JMJD1C: variants seen among roughly 807,000 people sequenced by gnomAD.
JMJD1C encodes jumonji domain-containing protein 1C.
JMJD1C carries 31 observed loss-of-function variants against 245.3 expected under a neutral mutation model. The ratio of observed to expected loss-of-function variants is 0.13; its 90% confidence interval spans 0.09 to 0.17. JMJD1C has a LOEUF of 0.17. Ranked by LOEUF, JMJD1C falls within the 10% of genes least tolerant of loss-of-function variation. The probability of loss-of-function intolerance (pLI) is 1.00; values close to 1 mark genes in which losing one functional copy is unlikely to be tolerated. For synonymous variants in JMJD1C, 1,057 were observed against 1,017.4 expected (o/e 1.04, Z -0.74); for missense variants, 2,691 against 3,000.2 (o/e 0.90, Z 2.41).
intron 2 of JMJD1C, 71 bp from the exon 3 acceptor site, chr10:63,264,835 CCAATACAAT>C: frequency 1.4e-6 from 1 of 711,424 alleles, no homozygotes; most frequent in African/African-American, 1.8e-5. Context: ...GGAACACACA[CCAATACAAT>C]GTATCAATGT....
At chr10:63,404,085 A>G (rs1268681145) in intron 1 of JMJD1C, among the ~76,000 whole-genome samples, 3 of 152,128 alleles carry the variant, frequency 2.0e-5, no homozygotes, top group Non-Finnish European at 4.4e-5. Context: ...ACTGCACTCC[A>G]GCCTGGGCAA....
At chr10:63,348,270 G>A (rs1944030595) in intron 2 of JMJD1C, among the ~76,000 whole-genome samples, 1 of 151,506 alleles carries the variant, frequency 6.6e-6, no homozygotes, top group Non-Finnish European at 1.5e-5. Context: ...CATTTGACCA[G>A]GGCAGATATC....
intron 3 of JMJD1C, among the ~76,000 whole-genome samples, chr10:63,225,629 T>C (rs1471285545): frequency 4.0e-5 from 6 of 151,888 alleles, no homozygotes; most frequent in African/African-American, 1.5e-4. Context: ...AATACAAAAA[T>C]TAGCCAGGTG....
chr10:63,442,253 A>G lies in JMJD1C; in HGVS notation c.168+23242T>C, dbSNP rs538966932. Among the ~76,000 whole-genome samples the G allele has an allele frequency of 5.9e-5, 9 of 152,324 alleles. No individual in the cohort carries two copies. In the South Asian group the frequency reaches 1.9e-3, roughly 32 times the overall value. On this transcript the variant is annotated intron_variant, in intron 1 of 25. Transcript: ENST00000399262. The stretch of plus-strand genomic sequence containing the variant: ...CTGCCAGGGAGAAAAAACGCCAACA[A>G]TTTTTAAACCTGGGTATATATCAAT...
intron 22 of JMJD1C, among the ~76,000 whole-genome samples, chr10:63,181,442 G>A (rs1564560394): frequency 6.6e-6 from 1 of 152,098 alleles, no homozygotes; most frequent in Non-Finnish European, 1.5e-5. Context: ...TTGAAAGAAT[G>A]AATACAGAAG....
intron 1 of JMJD1C, among the ~76,000 whole-genome samples, chr10:63,487,826 C>T (rs1031168618): frequency 6.6e-6 from 1 of 152,220 alleles, no homozygotes; most frequent in South Asian, 2.1e-4. Context: ...TTGCAGTTTT[C>T]AACTCTGAGT....
At chr10:63,201,974 G>A (rs560178501) in intron 10 of JMJD1C, among the ~76,000 whole-genome samples, 3 of 151,946 alleles carry the variant, frequency 2.0e-5, no homozygotes, top group Non-Finnish European at 4.4e-5. Flanking sequence ...AGCTATGTTG[G>A]GGTCCAGGTG....
chr10:63,278,138 A>C (rs1472939784), intron 2 of JMJD1C, among the ~76,000 whole-genome samples: 4 of 152,092 alleles, frequency 2.6e-5, no homozygotes, highest in East Asian at 3.9e-4. Flanking sequence ...ACAATAGGTA[A>C]GTCAATGAAA....
chr10:63,278,345 G>GAATAATAAT (rs59676296), intron 2 of JMJD1C, among the ~76,000 whole-genome samples: 4,168 of 142,896 alleles, frequency 0.029, 84 homozygotes, highest in Non-Finnish European at 0.035. Context: ...AATTAAAAGA[G>GAATAATAAT]AATAATAATA....
At chr10:63,405,794 T>C (rs1949135032) in intron 1 of JMJD1C, among the ~76,000 whole-genome samples, 1 of 152,208 alleles carries the variant, frequency 6.6e-6, no homozygotes, top group South Asian at 2.1e-4. Flanking sequence ...AATATTTGAT[T>C]TCTCAGGGCC....
chr10:63,403,080 C>T (rs1354647944), intron 1 of JMJD1C, among the ~76,000 whole-genome samples: 4 of 152,126 alleles, frequency 2.6e-5, no homozygotes, highest in Non-Finnish European at 4.4e-5. Context: ...AAAACTGAGA[C>T]GGACAGACCA....
chr10:63,489,079 AC>A (rs1290173288), intron 1 of JMJD1C, among the ~76,000 whole-genome samples: 28 of 152,118 alleles, frequency 1.8e-4, no homozygotes, highest in Non-Finnish European at 2.8e-4. Context: ...GGGTAAACAA[AC>A]CTACTGTGTT....
intron 3 of JMJD1C, among the ~76,000 whole-genome samples, chr10:63,242,061 G>A (rs1851546209): frequency 6.6e-6 from 1 of 152,180 alleles, no homozygotes; most frequent in African/African-American, 2.4e-5. Flanking sequence ...AAAGGAGGAA[G>A]CTGAGTAAAG....
intron 1 of JMJD1C, among the ~76,000 whole-genome samples, chr10:63,429,098 GGCCTCCCGGGTA>G (rs958604886): frequency 6.6e-5 from 10 of 151,990 alleles, no homozygotes; most frequent in Admixed American, 3.3e-4. Flanking sequence ...CTCCTGCCTC[GGCCTCCCGGGTA>G]GCTGGGATTA....
chr10:63,389,394 C>T (rs750208885), intron 1 of JMJD1C, among the ~76,000 whole-genome samples: 1 of 149,198 alleles, frequency 6.7e-6, no homozygotes, highest in African/African-American at 2.5e-5. Flanking sequence ...CAACAACCCA[C>T]TCTTAGCATT....
intron 2 of JMJD1C, among the ~76,000 whole-genome samples, chr10:63,295,258 CT>C (rs1859236023): frequency 1.2e-5 from 1 of 82,522 alleles, no homozygotes; most frequent in East Asian, 2.7e-4. Flanking sequence ...CTGTGCCCAA[CT>C]AATTTTTTTT....
chr10:63,279,737 C>T (rs534457048), intron 2 of JMJD1C, among the ~76,000 whole-genome samples: 58 of 152,264 alleles, frequency 3.8e-4, no homozygotes, highest in Non-Finnish European at 6.3e-4. Context: ...GTCTAGATGA[C>T]AAAGCAAGAC....
intron 1 of JMJD1C, among the ~76,000 whole-genome samples, chr10:63,500,684 A>G (rs1024174843): frequency 2.0e-5 from 3 of 152,010 alleles, no homozygotes; most frequent in Admixed American, 6.6e-5. Flanking sequence ...GTGAGCTGAG[A>G]TCGGGCCACT....
chr10:63,373,283 T>G (rs1040429995), intron 2 of JMJD1C, among the ~76,000 whole-genome samples: 4 of 152,178 alleles, frequency 2.6e-5, no homozygotes, highest in Admixed American at 2.6e-4. Flanking sequence ...CATGTGGTGC[T>G]CCCATAAATG....
Sources: allele counts gnomAD v4.1 joint callset (sites outside exome capture counted in the v4.1 genomes callset), GRCh38; gene constraint gnomAD v4.1.1; transcripts MANE v1.5; gene names NCBI Gene and HGNC (gene_info 2026-07-23, HGNC 2026-07-21).